SLCO2A1: variants seen among roughly 807,000 people sequenced by gnomAD.
SLCO2A1 encodes solute carrier organic anion transporter family member 2A1.
Under a neutral mutation model 71.7 loss-of-function variants are expected in SLCO2A1, and 60 were observed. The observed-to-expected ratio is 0.84, with a 90% confidence interval of 0.68 to 1.04. The LOEUF is 1.04. Among genes scored for constraint, SLCO2A1 ranks in the 50% least tolerant of loss-of-function variants. The probability of loss-of-function intolerance (pLI) is 0.00; values close to 1 mark genes in which losing one functional copy is unlikely to be tolerated. For synonymous variants in SLCO2A1, 308 were observed against 326.7 expected (o/e 0.94, Z 0.62); for missense variants, 745 against 813.4 (o/e 0.92, Z 1.02).
intron 1 of SLCO2A1, among the ~76,000 whole-genome samples, chr3:133,991,624 C>T (rs1934848279): frequency 6.6e-6 from 1 of 152,192 alleles, no homozygotes; most frequent in African/African-American, 2.4e-5. Context: ...ATATAAAAAT[C>T]AGAACAATCT....
chr3:133,968,453 C>T (rs1174050358), intron 3 of SLCO2A1, among the ~76,000 whole-genome samples: 2 of 152,188 alleles, frequency 1.3e-5, no homozygotes, highest in African/African-American at 4.8e-5. Context: ...CGGCCCTGTG[C>T]CTTCCCACCG....
At chr3:133,942,072 C>G (rs1393055395) in intron 11 of SLCO2A1, among the ~76,000 whole-genome samples, 1 of 152,234 alleles carries the variant, frequency 6.6e-6, no homozygotes, top group Non-Finnish European at 1.5e-5. Context: ...TGGCTCACTG[C>G]AACCTCCGCC....
intron 3 of SLCO2A1, among the ~76,000 whole-genome samples, chr3:133,967,324 G>A (rs1934203740): frequency 1.3e-5 from 2 of 152,180 alleles, no homozygotes; most frequent in South Asian, 2.1e-4. Context: ...TGATAGAAAA[G>A]CCTGACAGAG....
intron 1 of SLCO2A1, among the ~76,000 whole-genome samples, chr3:134,007,035 A>G (rs1271309590): frequency 1.3e-5 from 2 of 152,178 alleles, no homozygotes; most frequent in Non-Finnish European, 2.9e-5. Context: ...AATGGGTGTG[A>G]TGTCACATTG....
intron 1 of SLCO2A1, among the ~76,000 whole-genome samples, chr3:133,980,964 A>G (rs1934574779): frequency 6.6e-6 from 1 of 151,912 alleles, no homozygotes; most frequent in African/African-American, 2.4e-5. Context: ...GCATGGTGGC[A>G]CTCCACCCCT....
intron 1 of SLCO2A1, among the ~76,000 whole-genome samples, chr3:134,000,722 G>A (rs941273692): frequency 4.6e-5 from 7 of 152,128 alleles, no homozygotes; most frequent in Non-Finnish European, 1.0e-4. Context: ...ATTTAAAATG[G>A]CAACCCAGTC....
intron 1 of SLCO2A1, among the ~76,000 whole-genome samples, chr3:133,999,749 A>G (rs1255480476): frequency 6.6e-6 from 1 of 152,206 alleles, no homozygotes; most frequent in Non-Finnish European, 1.5e-5. Flanking sequence ...AGATGAGGAG[A>G]GGAAAAATGT....
chr3:133,938,713 A>C (rs1460196784), intron 11 of SLCO2A1, among the ~76,000 whole-genome samples: 1 of 152,012 alleles, frequency 6.6e-6, no homozygotes, highest in African/African-American at 2.4e-5. Context: ...AACTTGTTAG[A>C]TATGCAGATT....
At chr3:133,941,310 C>G (rs1384563829) in intron 11 of SLCO2A1, among the ~76,000 whole-genome samples, 1 of 151,976 alleles carries the variant, frequency 6.6e-6, no homozygotes, top group Non-Finnish European at 1.5e-5. Flanking sequence ...GATAATTAAC[C>G]AATATGTAGA....
intron 3 of SLCO2A1, among the ~76,000 whole-genome samples, chr3:133,968,025 C>T (rs1419145501): frequency 7.4e-6 from 1 of 135,722 alleles, no homozygotes; most frequent in Non-Finnish European, 1.6e-5. Context: ...CACAGGCACC[C>T]CACCCCACCT....
intron 6 of SLCO2A1, among the ~76,000 whole-genome samples, chr3:133,950,471 T>C (rs1031289735): frequency 1.3e-5 from 2 of 151,984 alleles, no homozygotes; most frequent in Non-Finnish European, 2.9e-5. Context: ...CCGACAACCA[T>C]TGCTGCATTC....
rs57260052 is a variant in SLCO2A1 at position 134,010,751 on chromosome 3, C to CAAAAAAAAAAAA, written c.96+18944_96+18955dup. ...CCTGGTGACAGAGTGAGACTCTGTC[C>CAAAAAAAAAAAA]AAAAAAAAAAAAAAAAAAAAGCACC... On this transcript the variant is annotated intron_variant, in intron 1 of 13. Coordinates refer to ENST00000310926, the MANE Select transcript of SLCO2A1 (RefSeq NM_005630.3). Among the ~76,000 whole-genome samples the CAAAAAAAAAAAA allele has an allele frequency of 4.5e-4, 32 of 70,878 alleles. 1 individual carries two copies. Among genetic ancestry groups the CAAAAAAAAAAAA allele is most frequent in the African/African-American group, 1.5e-3 (29 of 19,854 alleles). 46.5% of individuals were successfully genotyped at this position (70,878 alleles called of 152,430 possible).
intron 5 of SLCO2A1, 77 bp downstream of exon 5, chr3:133,953,586 G>A (rs1038417318): frequency 2.6e-6 from 3 of 1,151,288 alleles, no homozygotes; most frequent in Admixed American, 3.5e-5. Flanking sequence ...TTCATTCTCT[G>A]TTCTGATTGG....
intron 1 of SLCO2A1, among the ~76,000 whole-genome samples, chr3:133,980,628 C>G (rs1295257566): frequency 6.6e-6 from 1 of 152,258 alleles, no homozygotes; most frequent in East Asian, 1.9e-4. Context: ...AAGCTCTTTC[C>G]ATGAATGAAC....
At chr3:133,999,884 TG>T (rs778217717) in intron 1 of SLCO2A1, among the ~76,000 whole-genome samples, 3 of 152,206 alleles carry the variant, frequency 2.0e-5, no homozygotes, top group Admixed American at 6.5e-5. Flanking sequence ...TATCTCTATC[TG>T]GCCATCACCG....
At chr3:134,024,737 G>A (rs1337597097) in intron 1 of SLCO2A1, among the ~76,000 whole-genome samples, 2 of 152,212 alleles carry the variant, frequency 1.3e-5, no homozygotes, top group Non-Finnish European at 2.9e-5. Flanking sequence ...GAATATAAAC[G>A]CTCCCCATGC....
chr3:134,005,027 G>C (rs931056303), intron 1 of SLCO2A1, among the ~76,000 whole-genome samples: 1 of 152,350 alleles, frequency 6.6e-6, no homozygotes, highest in Non-Finnish European at 1.5e-5. Flanking sequence ...CCATGGAGAA[G>C]ACAGAGGTTT....
At chr3:133,987,512 C>T (rs1478404419) in intron 1 of SLCO2A1, among the ~76,000 whole-genome samples, 1 of 152,016 alleles carries the variant, frequency 6.6e-6, no homozygotes, top group African/African-American at 2.4e-5. Flanking sequence ...AGTCCTCCCC[C>T]CACCCCACTT....
rs1287501506 is a variant in SLCO2A1, at chr3:134,022,063, AG to A, written c.96+7643del. 4.0e-5 allele frequency among the ~76,000 whole-genome samples: 6 copies of A among 151,488 alleles called. No homozygotes were observed. In the East Asian group the frequency reaches 9.7e-4, roughly 24 times the overall value. ...CCTCACCAGTTCAGAAGTATCCTAA[AG>A]GAAAAAAAAAAAAAGAAAAAAAGAG... is the stretch of plus-strand genomic sequence containing the variant. On this transcript the variant is annotated intron_variant, in intron 1 of 13. Transcript: ENST00000310926.
Sources: allele counts gnomAD v4.1 joint callset (sites outside exome capture counted in the v4.1 genomes callset), GRCh38; gene constraint gnomAD v4.1.1; transcripts MANE v1.5; gene names NCBI Gene and HGNC (gene_info 2026-07-23, HGNC 2026-07-21).